The following DGKG variants were observed in gnomAD, a reference collection of about 807,000 sequenced individuals.
The protein encoded by DGKG is diacylglycerol kinase gamma.
In DGKG, 78 loss-of-function variants were observed where a neutral mutation model predicts 105.3. The ratio of observed to expected loss-of-function variants is 0.74; its 90% CI spans 0.62 to 0.89. The LOEUF (loss-of-function observed/expected upper bound fraction) is 0.89. Ranked by LOEUF, DGKG falls within the 40% of genes least tolerant of loss-of-function variation. DGKG has a pLI of 0.00. For missense variants in DGKG, 958 were observed against 1,020.1 expected (o/e 0.94, Z 0.83); for synonymous variants, 346 against 367.1 (o/e 0.94, Z 0.66).
chr3:186,169,365 T>C (rs1284145434), intron 22 of DGKG, among the ~76,000 whole-genome samples: 1 of 152,224 alleles, frequency 6.6e-6, no homozygotes, highest in Non-Finnish European at 1.5e-5. Context: ...AAGGTAATTG[T>C]TATTTTCTTC....
intron 20 of DGKG, among the ~76,000 whole-genome samples, chr3:186,221,541 G>A (rs1465087933): frequency 6.6e-6 from 1 of 152,184 alleles, no homozygotes; most frequent in East Asian, 1.9e-4. Flanking sequence ...TCCCTGCCTG[G>A]AGGGACGGGG....
At chr3:186,205,125 TG>T (rs1157505298) in intron 21 of DGKG, among the ~76,000 whole-genome samples, 1 of 151,456 alleles carries the variant, frequency 6.6e-6, no homozygotes, top group African/African-American at 2.4e-5. Flanking sequence ...GACATGGTGG[TG>T]GGTGCCTGTA....
rs1448617473 is a variant in DGKG, at chr3:186,361,841, C to T, written c.-249+105G>A. On this transcript the variant is annotated intron_variant, in intron 1 of 24. Transcript: ENST00000265022. This position sits in a 1 kb window ranked among gnomAD's most constrained non-coding sequence, Gnocchi z 6.8. ...GCCGTGGCTTTGGCTGCAGCCCCTT[C>T]CCTGGCCGCGGGACCGGCTCCCGCT... 1 of 152,354 alleles carries T rather than the reference C, an allele frequency of 6.6e-6. No homozygotes were observed. Among genetic ancestry groups the T allele is most frequent in the Non-Finnish European group, 1.5e-5 (1 of 68,258 alleles). The allele number at this position is 152,354 out of a possible 1,614,324, so 9.4% of individuals were successfully genotyped here. A position where few individuals can be genotyped will look rare whatever the true frequency, so the allele number is the denominator to read the frequency against.
At chr3:186,251,497 T>C in intron 19 of DGKG, among the ~76,000 whole-genome samples, 1 of 152,242 alleles carries the variant, frequency 6.6e-6, no homozygotes, top group Non-Finnish European at 1.5e-5. Context: ...ATATGTCTTT[T>C]GAAAATTTTT....
chr3:186,304,642 G>A (rs1158557130), intron 3 of DGKG, among the ~76,000 whole-genome samples: 1 of 152,230 alleles, frequency 6.6e-6, no homozygotes, highest in Non-Finnish European at 1.5e-5. Context: ...GGGGAAAGGG[G>A]ATGGAAGAGG....
chr3:186,299,812 TCTTTCTTTCTTTCTTTC>T (rs1723803455), intron 3 of DGKG, among the ~76,000 whole-genome samples: 1 of 104,626 alleles, frequency 9.6e-6, no homozygotes, highest in African/African-American at 3.7e-5. Context: ...TTTCTTTCTT[TCTTTCTTTCTTTCTTTC>T]TTTCTTTCTT....
intron 21 of DGKG, among the ~76,000 whole-genome samples, chr3:186,195,745 G>A (rs1235551900): frequency 1.3e-5 from 2 of 152,148 alleles, no homozygotes; most frequent in Non-Finnish European, 2.9e-5. Context: ...TTTGCCAACT[G>A]CATCTCTGGG....
rs569835996 is a variant in DGKG, at chr3:186,339,610, C to T, written c.-248-18903G>A. Among the ~76,000 whole-genome samples the T allele has an allele frequency of 3.3e-5, 5 of 152,054 alleles. No individual in the cohort carries two copies. In the South Asian group the frequency reaches 8.3e-4, roughly 25 times the overall value. ...AATTAGGAATGTGCTATTTCATTTC[C>T]CCCAAATCTTCCAAAATAATGAGCC... On this transcript the variant is annotated intron_variant, in intron 1 of 24. Coordinates refer to ENST00000265022, the MANE Select transcript of DGKG (RefSeq NM_001346.3).
At position 186,242,505 on chromosome 3, in the gene DGKG, T is replaced by A; in HGVS notation, c.1825A>T (p.Arg609Trp). The A allele has an allele frequency of 6.2e-7, 1 of 1,612,982 alleles. No individual in the cohort carries two copies. The highest frequency in any genetic ancestry group is 8.5e-7 in the Non-Finnish European group (1 of 1,179,258). Reference sequence around the variant, plus strand: ...AGCGCAGCCGGGCCTGCAGCTTACCTGCTGTTGAATTTTTCAGGATGTTTC... The same window carrying A: ...AGCGCAGCCGGGCCTGCAGCTTACCAGCTGTTGAATTTTTCAGGATGTTTC... ...REKHPEKFNS[R>W]MKNKLWYFEF... is the part of the protein sequence containing the mutation. The change falls in exon 20 of 25, where the codon AGG becomes TGG. Residue 609 changes from arginine (R) to tryptophan (W), a missense_variant and splice_region_variant. By Grantham distance (101) the Arg-to-Trp change is moderately radical. Transcript: ENST00000265022.
chr3:186,210,018 C>G lies in DGKG; in HGVS notation c.1917+1777G>C, dbSNP rs982155627. On this transcript the variant is annotated intron_variant, in intron 21 of 24. Coordinates refer to ENST00000265022, the MANE Select transcript of DGKG (RefSeq NM_001346.3). This position sits in a 1 kb window ranked among gnomAD's most constrained non-coding sequence, Gnocchi z 5.2. ...TCCAGACCAGTGAACAACCCCACCC[C>G]CTCCAGAGGCCACCAGTGTCTTTAG... Among the ~76,000 whole-genome samples, 5 of 152,226 alleles carry G rather than the reference C, an allele frequency of 3.3e-5. No homozygotes were observed.
In DGKG at chr3:186,268,809, G is replaced by A. The variant is rs3213770; in HGVS notation, c.1108C>T (p.Arg370Trp). The A allele has an allele frequency of 2.8e-4, 446 of 1,611,986 alleles. 1 individual carries two copies. In the East Asian group the frequency reaches 4.2e-3, roughly 15 times the overall value. ...CCTGGGCGCCAACCCACCGTCATCCGGCACCACACGCAGTGCCGCGCGGTG... is the reference window on the plus strand; with the variant it reads ...CCTGGGCGCCAACCCACCGTCATCCAGCACCACACGCAGTGCCGCGCGGTG... Reference protein sequence around the residue: ...SVTARHCVWCRMTFHRKCELS... With the variant: ...SVTARHCVWCWMTFHRKCELS... The change falls in exon 12 of 25, where the codon CGG (arginine) becomes TGG (tryptophan). Residue 370 changes from arginine to tryptophan, a missense_variant. This residue lies in a region of DGKG where 643 missense variants were observed against 619.5 expected (regional missense o/e 1.04). Transcript: ENST00000265022.
chr3:186,266,236 TC>T (rs1488375017), intron 13 of DGKG, among the ~76,000 whole-genome samples: 1 of 152,206 alleles, frequency 6.6e-6, no homozygotes, highest in Non-Finnish European at 1.5e-5. Flanking sequence ...ATAGAGCATA[TC>T]TTTTCGAGTC....
chr3:186,191,100 T>A (rs150202671), intron 21 of DGKG, among the ~76,000 whole-genome samples: 2 of 152,182 alleles, frequency 1.3e-5, no homozygotes, highest in Admixed American at 6.5e-5. Context: ...ATCTGACTTA[T>A]TAGTGGTGGA....
intron 24 of DGKG, chr3:186,161,375 C>T (rs1223664109): frequency 5.8e-6 from 8 of 1,387,960 alleles, no homozygotes; most frequent in Middle Eastern, 5.4e-4. Context: ...TTCTATGTCT[C>T]ATTCAATTTT....
At chr3:186,303,359 G>T (rs1724068136) in intron 3 of DGKG, among the ~76,000 whole-genome samples, 1 of 152,142 alleles carries the variant, frequency 6.6e-6, no homozygotes. Flanking sequence ...CACACTCATG[G>T]TTCAGGCCAA....
intron 1 of DGKG, among the ~76,000 whole-genome samples, chr3:186,339,711 A>T (rs1247535669): frequency 5.9e-5 from 9 of 151,978 alleles, no homozygotes; most frequent in Admixed American, 2.6e-4. Context: ...GGCCTGTGAG[A>T]TATTGAAGGT....
intron 24 of DGKG, among the ~76,000 whole-genome samples, chr3:186,156,076 G>A (rs1716023391): frequency 6.6e-6 from 1 of 152,014 alleles, no homozygotes; most frequent in Non-Finnish European, 1.5e-5. Flanking sequence ...GATAGCGATT[G>A]CAAACATCTT....
At chr3:186,260,712 G>A (rs764056650) in intron 15 of DGKG, among the ~76,000 whole-genome samples, 199 bp from the exon 16 acceptor site, 3 of 152,158 alleles carry the variant, frequency 2.0e-5, no homozygotes, top group African/African-American at 4.8e-5. Flanking sequence ...TATCACTCCC[G>A]GTTCAAGGCT....
intron 11 of DGKG, among the ~76,000 whole-genome samples, chr3:186,270,804 G>T (rs1019143055): frequency 6.6e-6 from 1 of 152,206 alleles, no homozygotes; most frequent in African/African-American, 2.4e-5. Context: ...ATTCTCTTTG[G>T]GATCTGAGGA....
Sources: gnomAD v4.1 joint callset for allele counts (sites outside exome capture counted in the v4.1 genomes callset) on GRCh38, gnomAD v4.1.1 for gene constraint, gnomAD v4.1.1 regional missense constraint, Gnocchi (gnomAD v3.1) non-coding constraint, MANE v1.5 for transcripts, NCBI Gene and HGNC (gene_info 2026-07-23, HGNC 2026-07-21) for gene names.